C2orf66: variants seen among roughly 807,000 people sequenced by gnomAD.
C2orf66 encodes chromosome 2 open reading frame 66.
In C2orf66, 6 loss-of-function variants were observed where a neutral mutation model predicts 7.0. The ratio of observed to expected loss-of-function variants is 0.86; its 90% CI spans 0.47 to 1.69. The LOEUF is 1.69. Among genes scored for constraint, C2orf66 ranks in the 40% most tolerant of loss-of-function variants. The pLI is 0.01. For missense variants in C2orf66, 107 were observed against 112.0 expected, an observed-to-expected ratio of 0.96 and a Z score of 0.20; for synonymous variants, 38 against 43.8, an observed-to-expected ratio of 0.87 and a Z score of 0.52.
the C2orf66 span, among the ~76,000 whole-genome samples, chr2:196,826,541 A>G: frequency 1.3e-5 from 2 of 152,214 alleles, no homozygotes; most frequent in East Asian, 1.9e-4. Flanking sequence ...AATGAGAATG[A>G]TAGTTGCCAG....
At chr2:196,807,795 C>T (rs1248233259) in intron 1 of C2orf66, among the ~76,000 whole-genome samples, 173 bp from the exon 2 acceptor site, 5 of 152,224 alleles carry the variant, frequency 3.3e-5, no homozygotes, top group African/African-American at 1.2e-4. Context: ...CTCCCCTCCT[C>T]TGTACCTTCT....
chr2:196,823,696 A>C, the C2orf66 span, among the ~76,000 whole-genome samples: 3 of 152,190 alleles, frequency 2.0e-5, no homozygotes, highest in African/African-American at 7.2e-5. Context: ...AAATTTCAAC[A>C]GTAATTTGAT....
chr2:196,805,959 T>C (rs1035420862), intron 2 of C2orf66, among the ~76,000 whole-genome samples: 2 of 152,244 alleles, frequency 1.3e-5, no homozygotes, highest in Non-Finnish European at 2.9e-5. Context: ...TGGTAAGTTA[T>C]ACGTTCTTTT....
chr2:196,829,863 C>T, the C2orf66 span, among the ~76,000 whole-genome samples: 1,147 of 151,770 alleles, frequency 7.6e-3, 22 homozygotes, highest in African/African-American at 0.027. Context: ...CGCCACTGCA[C>T]TCCAGCCTGG....
At chr2:196,814,597 T>G in the C2orf66 span, among the ~76,000 whole-genome samples, 11 of 152,102 alleles carry the variant, frequency 7.2e-5, no homozygotes, top group African/African-American at 2.7e-4. Flanking sequence ...AAAAAAATTT[T>G]TACTGAGATT....
chr2:196,809,434 A>G (rs1215325650), upstream of C2orf66: 1 of 1,520,900 alleles, frequency 6.6e-7, no homozygotes, highest in South Asian at 1.2e-5. Context: ...AAACATCTGT[A>G]AAGGCAGACA....
At chr2:196,831,924 A>G in the C2orf66 span, 1 of 152,126 alleles carries the variant, frequency 6.6e-6, no homozygotes, top group Admixed American at 6.5e-5. Flanking sequence ...CTGTTCACTT[A>G]TCGTGGCCTT....
the C2orf66 span, among the ~76,000 whole-genome samples, chr2:196,822,450 C>G: frequency 6.6e-6 from 1 of 152,198 alleles, no homozygotes; most frequent in Non-Finnish European, 1.5e-5. Flanking sequence ...ATCTCAGAAC[C>G]TGCTTCTTTA....
chr2:196,813,210 G>C (rs138230035), upstream of C2orf66, among the ~76,000 whole-genome samples: 164 of 152,282 alleles, frequency 1.1e-3, no homozygotes, highest in East Asian at 0.019. Context: ...AAACAGCATG[G>C]TACTGGTACC....
rs757782532 is a variant in C2orf66, at chr2:196,809,196, C to T, written c.123+18G>A. 2.5e-6 allele frequency: 4 copies of T among 1,611,482 alleles called. No individual in the cohort carries two copies. The highest frequency in any genetic ancestry group is 1.7e-4 in the Middle Eastern group (1 of 5,874). On this transcript the variant is annotated intron_variant, in intron 1 of 2. Transcript: ENST00000342506. The stretch of plus-strand genomic sequence containing the variant: ...CATTAGTTCTATCCTGAAACCCAGG[C>T]CCCAAGTGTGTTCTTACCAGATCTC...
the C2orf66 span, among the ~76,000 whole-genome samples, chr2:196,830,476 C>A: frequency 6.6e-6 from 1 of 152,202 alleles, no homozygotes; most frequent in African/African-American, 2.4e-5. Context: ...TGACAGACAT[C>A]ATTTCAGCCC....
At chr2:196,830,788 C>T in the C2orf66 span, among the ~76,000 whole-genome samples, 1 of 152,138 alleles carries the variant, frequency 6.6e-6, no homozygotes, top group Non-Finnish European at 1.5e-5. Context: ...GTCTTTCTTC[C>T]TCTAACCCTC....
At chr2:196,808,741 A>G (rs1699841491) in intron 1 of C2orf66, among the ~76,000 whole-genome samples, 1 of 152,164 alleles carries the variant, frequency 6.6e-6, no homozygotes. Context: ...ATAGATAACT[A>G]TATGTTGAAA....
the C2orf66 span, among the ~76,000 whole-genome samples, chr2:196,816,173 G>A: frequency 6.6e-6 from 1 of 152,180 alleles, no homozygotes; most frequent in Non-Finnish European, 1.5e-5. Context: ...TGACAGACAG[G>A]AGAGTAGGGG....
At chr2:196,813,494 A>G (rs983266302), upstream of C2orf66, among the ~76,000 whole-genome samples, 1 of 152,210 alleles carries the variant, frequency 6.6e-6, no homozygotes, top group Non-Finnish European at 1.5e-5. Context: ...AACCTAGGCA[A>G]TACCATTCAG....
Position 196,804,951 on chromosome 2 carries a change from A to G in C2orf66, c.*477T>C, listed in dbSNP as rs145049978. Reference sequence around the variant, plus strand: ...TTTGGTAGTGTATGCTGAACATGGGAATGCATCTTCTTTTTAGGAAAGGAA... The same window carrying G: ...TTTGGTAGTGTATGCTGAACATGGGGATGCATCTTCTTTTTAGGAAAGGAA... On this transcript the variant is annotated 3_prime_UTR_variant, in exon 3 of 3. Coordinates refer to ENST00000342506, the MANE Select transcript of C2orf66 (RefSeq NM_213608.3). 28 of 152,310 alleles carry G rather than the reference A, an allele frequency of 1.8e-4. No homozygotes were observed. Among genetic ancestry groups the G allele is most frequent in the African/African-American group, 6.3e-4 (26 of 41,570 alleles). 9.4% of individuals were successfully genotyped at this position (152,310 alleles called of 1,614,324 possible).
chr2:196,824,090 G>T, the C2orf66 span, among the ~76,000 whole-genome samples: 21 of 152,240 alleles, frequency 1.4e-4, no homozygotes. Flanking sequence ...GGTCAGAAAA[G>T]ATTTTGAGAG....
the C2orf66 span, among the ~76,000 whole-genome samples, chr2:196,829,760 G>A: frequency 5.9e-5 from 9 of 151,930 alleles, no homozygotes; most frequent in Non-Finnish European, 1.0e-4. Flanking sequence ...AGACGGGCGT[G>A]GTGGCGGGCG....
At chr2:196,807,888 A>C (rs1275458060) in intron 1 of C2orf66, among the ~76,000 whole-genome samples, 1 of 152,214 alleles carries the variant, frequency 6.6e-6, no homozygotes, top group Admixed American at 6.5e-5. Flanking sequence ...ACCACAGTGG[A>C]AAGATTCATT....
Sources: allele counts gnomAD v4.1 joint callset (sites outside exome capture counted in the v4.1 genomes callset), GRCh38; gene constraint gnomAD v4.1.1; transcripts MANE v1.5; gene names NCBI Gene and HGNC (gene_info 2026-07-23, HGNC 2026-07-21).